STXBP6: variants seen among roughly 807,000 people sequenced by gnomAD.
The protein encoded by STXBP6 is syntaxin binding protein 6.
STXBP6 carries 21 observed loss-of-function variants against 26.9 expected under a neutral mutation model. The observed-to-expected ratio is 0.78, with a 90% CI of 0.55 to 1.12. The LOEUF is 1.12. STXBP6 is among the 50% of genes most tolerant of loss of function. The pLI, the probability that STXBP6 is intolerant of heterozygous loss-of-function variation, is 0.00. For missense variants in STXBP6, 232 were observed against 257.9 expected, an observed-to-expected ratio of 0.90 and a Z score of 0.69; for synonymous variants, 97 against 92.6, an observed-to-expected ratio of 1.05 and a Z score of -0.27.
At chr14:24,919,171 T>C (rs2071884683) in intron 2 of STXBP6, among the ~76,000 whole-genome samples, 3 of 152,080 alleles carry the variant, frequency 2.0e-5, no homozygotes, top group Admixed American at 2.0e-4. Flanking sequence ...ACAGGTACTA[T>C]GTCGAGTTTA....
chr14:24,957,594 T>G (rs113894387), intron 2 of STXBP6, among the ~76,000 whole-genome samples: 3 of 152,260 alleles, frequency 2.0e-5, no homozygotes, highest in Non-Finnish European at 4.4e-5. Flanking sequence ...ATGTGAATGA[T>G]GACGGAACTA....
Position 24,856,955 on chromosome 14 carries a change from C to T in STXBP6, c.285+72G>A, listed in dbSNP as rs138381664. The T allele has an allele frequency of 6.3e-4, 973 of 1,534,852 alleles. 1 individual carries two copies. The highest frequency in any genetic ancestry group is 7.8e-4 in the Non-Finnish European group (885 of 1,134,102). On this transcript the variant is annotated intron_variant, in intron 3 of 5. Coordinates refer to ENST00000323944, the MANE Select transcript of STXBP6 (RefSeq NM_001394410.1). Reference sequence around the variant, plus strand: ...TAAGAATGATTCAAACCACCACTACCACTACCAAGGTCAATCAGAGAGTCA... The same window carrying T: ...TAAGAATGATTCAAACCACCACTACTACTACCAAGGTCAATCAGAGAGTCA...
In STXBP6 at chr14:24,961,775, G is replaced by A. The variant is rs2073549712; in HGVS notation, c.154+12890C>T. ...ATATATCCATGTAACAAACCTGCAC[G>A]TGTACCCTGTAAATCTAAGCTAAAA... On this transcript the variant is annotated intron_variant, in intron 2 of 5. Coordinates refer to ENST00000323944, the MANE Select transcript of STXBP6 (RefSeq NM_001394410.1). Among the ~76,000 whole-genome samples the A allele has an allele frequency of 2.6e-5, 4 of 151,638 alleles. No homozygotes were observed. In the South Asian group the frequency reaches 8.3e-4, roughly 32 times the overall value.
At chr14:24,951,576 A>T (rs2073172191) in intron 2 of STXBP6, among the ~76,000 whole-genome samples, 1 of 152,042 alleles carries the variant, frequency 6.6e-6, no homozygotes, top group African/African-American at 2.4e-5. Flanking sequence ...GTTGATACAC[A>T]ACTTCTAAAG....
At chr14:24,849,183 T>A in intron 4 of STXBP6, among the ~76,000 whole-genome samples, 1 of 152,092 alleles carries the variant, frequency 6.6e-6, no homozygotes, top group East Asian at 1.9e-4. Flanking sequence ...TAGTCTTAGT[T>A]TTTTTCTCTC....
intron 1 of STXBP6, among the ~76,000 whole-genome samples, chr14:25,024,744 T>TA (rs1353804092): frequency 6.6e-6 from 1 of 152,040 alleles, no homozygotes; most frequent in Non-Finnish European, 1.5e-5. Flanking sequence ...ATAATAATAA[T>TA]AAAAAAAGAT....
intron 1 of STXBP6, among the ~76,000 whole-genome samples, chr14:25,033,043 T>C (rs1042344983): frequency 6.6e-6 from 1 of 152,172 alleles, no homozygotes; most frequent in Non-Finnish European, 1.5e-5. Flanking sequence ...CCTGTTCTAA[T>C]CCATCAAACA....
At chr14:24,965,121 G>T (rs1484033266) in intron 2 of STXBP6, among the ~76,000 whole-genome samples, 1 of 152,072 alleles carries the variant, frequency 6.6e-6, no homozygotes, top group African/African-American at 2.4e-5. Context: ...ATCGAGAGTA[G>T]ACTGGTTTAA....
At chr14:24,917,839 TA>T (rs1484401165) in intron 2 of STXBP6, among the ~76,000 whole-genome samples, 1 of 152,130 alleles carries the variant, frequency 6.6e-6, no homozygotes, top group Non-Finnish European at 1.5e-5. Context: ...AAATATTTGC[TA>T]ACCATATTAC....
intron 2 of STXBP6, among the ~76,000 whole-genome samples, chr14:24,968,643 T>C (rs183617639): frequency 2.8e-4 from 42 of 152,208 alleles, no homozygotes; most frequent in African/African-American, 8.7e-4. Flanking sequence ...AGAATGAAAT[T>C]TGGTATAAAA....
chr14:24,975,470 C>A lies in STXBP6; in HGVS notation c.-32-620G>T, dbSNP rs148819024. 3.9e-5 allele frequency among the ~76,000 whole-genome samples: 6 copies of A among 152,316 alleles called. No homozygotes were observed. The East Asian group carries it at 9.6e-4, about 24-fold the overall frequency. ...ATGGGTTCTAGTTTGCAGTGCTCCT[C>A]TGCATCTAGTTACCATGCTCTGTAC... On this transcript the variant is annotated intron_variant, in intron 1 of 5. Transcript: ENST00000323944.
chr14:24,934,610 C>G (rs1355389681), intron 2 of STXBP6, among the ~76,000 whole-genome samples: 1 of 152,084 alleles, frequency 6.6e-6, no homozygotes, highest in African/African-American at 2.4e-5. Context: ...GTTAACGGAT[C>G]TGGGATAAGC....
At chr14:25,047,620 C>G (rs1050296479) in intron 1 of STXBP6, among the ~76,000 whole-genome samples, 1 of 152,118 alleles carries the variant, frequency 6.6e-6, no homozygotes, top group African/African-American at 2.4e-5. Context: ...GCAGTATAGC[C>G]CAACAGTTTG....
intron 1 of STXBP6, chr14:25,010,770 ATTT>A (rs992947273): frequency 6.6e-6 from 1 of 150,716 alleles, no homozygotes; most frequent in African/African-American, 2.4e-5. Context: ...CTGTTTGATG[ATTT>A]TTTTTTTCTT....
intron 2 of STXBP6, among the ~76,000 whole-genome samples, chr14:24,926,356 T>C (rs78843417): frequency 0.24 from 36,810 of 151,660 alleles, 5,629 homozygotes; most frequent in Admixed American, 0.41. Flanking sequence ...CCTGATATCT[T>C]TGGGCTCGCC....
intron 2 of STXBP6, among the ~76,000 whole-genome samples, chr14:24,923,744 A>G (rs1426626350): frequency 6.6e-6 from 1 of 152,128 alleles, no homozygotes; most frequent in Admixed American, 6.5e-5. Flanking sequence ...TCTTTGAGCT[A>G]CCTGCCCCTA....
intron 2 of STXBP6, among the ~76,000 whole-genome samples, chr14:24,949,501 A>G (rs1451532103): frequency 1.3e-5 from 2 of 152,168 alleles, no homozygotes; most frequent in Non-Finnish European, 2.9e-5. Context: ...TCCCAAAGGA[A>G]TCATGGCAAA....
chr14:25,032,347 C>T (rs1566575563), intron 1 of STXBP6, among the ~76,000 whole-genome samples: 1 of 152,328 alleles, frequency 6.6e-6, no homozygotes, highest in East Asian at 1.9e-4. Context: ...CCTCAGTCCA[C>T]ACTCAGCCCT....
At chr14:24,827,626 A>G (rs2068326531) in intron 4 of STXBP6, among the ~76,000 whole-genome samples, 1 of 152,086 alleles carries the variant, frequency 6.6e-6, no homozygotes, top group East Asian at 1.9e-4. Context: ...CCTCCACATT[A>G]TTTCTAGCCC....
Sources: gnomAD v4.1 joint callset for allele counts (sites outside exome capture counted in the v4.1 genomes callset) on GRCh38, gnomAD v4.1.1 for gene constraint, MANE v1.5 for transcripts, NCBI Gene and HGNC (gene_info 2026-07-23, HGNC 2026-07-21) for gene names.